ZNF536: variants seen among roughly 807,000 people sequenced by gnomAD.
The protein encoded by ZNF536 is zinc finger protein 536.
A neutral mutation model predicts 84.5 loss-of-function variants in ZNF536; 13 were observed. The ratio of observed to expected loss-of-function variants is 0.15; its 90% CI spans 0.10 to 0.24. The LOEUF is 0.24. Ranked by LOEUF, ZNF536 falls within the 10% of genes least tolerant of loss-of-function variation. The pLI is 1.00. For missense variants in ZNF536, 1,536 were observed against 1,747.5 expected (o/e 0.88, Z 2.16); for synonymous variants, 811 against 742.5 (o/e 1.09, Z -1.50).
rs189880938 is a variant in ZNF536, at chr19:30,301,083, C to A, written c.-120+16942C>A. On this transcript the variant is annotated intron_variant, in intron 2 of 5. Transcript: ENST00000585628. ...GTGGTTCTGGGACGCCCCATCAGGC[C>A]CCTGATCATCACAACGGAAAGTCAG... 1.1e-4 allele frequency among the ~76,000 whole-genome samples: 17 copies of A among 152,272 alleles called. No homozygotes were observed. The East Asian group carries it at 3.3e-3, about 29-fold the overall frequency.
At chr19:30,387,029 C>CA (rs2049371998) in intron 1 of ZNF536, among the ~76,000 whole-genome samples, 1 of 152,184 alleles carries the variant, frequency 6.6e-6, no homozygotes, top group Non-Finnish European at 1.5e-5. Context: ...CTAGAGGAAG[C>CA]AATGTGCAGA....
intron 1 of ZNF536, among the ~76,000 whole-genome samples, chr19:30,422,951 C>T (rs2051033644): frequency 8.0e-6 from 1 of 124,804 alleles, no homozygotes; most frequent in African/African-American, 3.1e-5. Context: ...CCATCCAACT[C>T]TCCATCCGTT....
intron 1 of ZNF536, among the ~76,000 whole-genome samples, chr19:30,613,254 G>A (rs528153635): frequency 1.3e-5 from 2 of 152,228 alleles, no homozygotes; most frequent in South Asian, 4.1e-4. Flanking sequence ...TGATGAAAAA[G>A]CATCGTGTGG....
chr19:30,229,869 T>C (rs1269530947), intron 1 of ZNF536, among the ~76,000 whole-genome samples: 7 of 152,216 alleles, frequency 4.6e-5, no homozygotes, highest in Non-Finnish European at 4.4e-5. Flanking sequence ...ACTGGGCCTC[T>C]GCCTGTGGAC....
chr19:30,662,884 G>A (rs2050172151), intron 1 of ZNF536, among the ~76,000 whole-genome samples: 2 of 150,928 alleles, frequency 1.3e-5, no homozygotes, highest in African/African-American at 2.4e-5. Flanking sequence ...CGAGGATGAT[G>A]GAAATAATAA....
intron 1 of ZNF536, among the ~76,000 whole-genome samples, chr19:30,401,036 T>C (rs550660557): frequency 3.3e-5 from 5 of 152,350 alleles, no homozygotes; most frequent in Admixed American, 2.6e-4. Flanking sequence ...GTGTAAGATA[T>C]GAGATTTAGG....
chr19:30,571,303 G>T (rs909077633), intron 1 of ZNF536, among the ~76,000 whole-genome samples: 1 of 152,092 alleles, frequency 6.6e-6, no homozygotes, highest in Non-Finnish European at 1.5e-5. Flanking sequence ...GGCTTGAGAG[G>T]GGCCAAAAGG....
chr19:30,685,254 A>G (rs1177866030), intron 1 of ZNF536, among the ~76,000 whole-genome samples: 2 of 152,200 alleles, frequency 1.3e-5, no homozygotes, highest in Non-Finnish European at 2.9e-5. Flanking sequence ...CCCATGCTTC[A>G]TCTTCCACAG....
chr19:30,448,581 C>T (rs540964871), intron 2 of ZNF536, among the ~76,000 whole-genome samples: 1 of 152,184 alleles, frequency 6.6e-6, no homozygotes, highest in Non-Finnish European at 1.5e-5. Flanking sequence ...TAATTTGCAT[C>T]ACTTGATTCT....
chr19:30,455,753 G>A (rs2052811165), intron 2 of ZNF536, among the ~76,000 whole-genome samples: 1 of 152,114 alleles, frequency 6.6e-6, no homozygotes, highest in Non-Finnish European at 1.5e-5. Context: ...TTCTCTTTTG[G>A]CTATTTTGAA....
rs534497611 is a variant in ZNF536 at position 30,588,618 on chromosome 19, G to A, written c.169+39104G>A. ...ACCAAGAAGAAAGTATCAGTTTGGT[G>A]CTGCTCTGCCTTTAACACCTCTCCA... On this transcript the variant is annotated intron_variant, in intron 1 of 1. Coordinates refer to the ZNF536 transcript ENST00000592773. Among the ~76,000 whole-genome samples the A allele has an allele frequency of 7.2e-5, 11 of 152,212 alleles. No individual in the cohort carries two copies. In the East Asian group the frequency reaches 2.1e-3, roughly 29 times the overall value.
chr19:30,413,805 G>A (rs1364185365), intron 1 of ZNF536, among the ~76,000 whole-genome samples: 1 of 151,866 alleles, frequency 6.6e-6, no homozygotes, highest in Non-Finnish European at 1.5e-5. Context: ...AAAATTCCCT[G>A]TACTGGCTGG....
chr19:30,363,974 A>T (rs1468256669), intron 3 of ZNF536, among the ~76,000 whole-genome samples: 1 of 152,182 alleles, frequency 6.6e-6, no homozygotes, highest in Admixed American at 6.5e-5. Flanking sequence ...GAGAGGGGGA[A>T]TCTGGAAAAA....
At chr19:30,357,330 G>A (rs184724112) in intron 3 of ZNF536, among the ~76,000 whole-genome samples, 6 of 152,318 alleles carry the variant, frequency 3.9e-5, no homozygotes, top group East Asian at 1.9e-4. Context: ...GCCTCATGGC[G>A]GGGAAGAGCG....
At chr19:30,631,227 G>A (rs998214109) in intron 1 of ZNF536, among the ~76,000 whole-genome samples, 22 of 152,186 alleles carry the variant, frequency 1.4e-4, no homozygotes, top group Admixed American at 3.3e-4. Flanking sequence ...GCCCCACACC[G>A]GAGCATTCAA....
At chr19:30,421,983 C>A (rs1472098226) in intron 1 of ZNF536, among the ~76,000 whole-genome samples, 1 of 151,928 alleles carries the variant, frequency 6.6e-6, no homozygotes, top group Non-Finnish European at 1.5e-5. Context: ...CTTTTAAATG[C>A]ATTAAAGTAA....
chr19:30,525,098 C>T (rs2145785025), intron 2 of ZNF536, among the ~76,000 whole-genome samples: 1 of 152,268 alleles, frequency 6.6e-6, no homozygotes, highest in South Asian at 2.1e-4. Context: ...GGAAAGGGGC[C>T]TCACACTTTA....
chr19:30,347,472 A>G (rs2047783371), intron 2 of ZNF536, among the ~76,000 whole-genome samples: 1 of 152,202 alleles, frequency 6.6e-6, no homozygotes, highest in Non-Finnish European at 1.5e-5. Context: ...TCCACCCATG[A>G]TGGCTGGAAG....
chr19:30,433,390 G>A (rs947819951), intron 1 of ZNF536, among the ~76,000 whole-genome samples: 2 of 152,210 alleles, frequency 1.3e-5, no homozygotes, highest in African/African-American at 4.8e-5. Flanking sequence ...ATCTCTAGAT[G>A]TACCCATGTC....
Sources: allele counts gnomAD v4.1 joint callset (sites outside exome capture counted in the v4.1 genomes callset), GRCh38; gene constraint gnomAD v4.1.1; transcripts MANE v1.5; gene names NCBI Gene and HGNC (gene_info 2026-07-23, HGNC 2026-07-21).